The following POLR3B variants were observed in gnomAD, a reference collection of about 807,000 sequenced individuals.
POLR3B encodes RNA polymerase III subunit B, also known as DNA-directed RNA polymerase III subunit RPC2.
A neutral mutation model predicts 147.4 loss-of-function variants in POLR3B; 96 were observed. The observed-to-expected ratio is 0.65, with a 90% confidence interval of 0.55 to 0.77. The LOEUF (loss-of-function observed/expected upper bound fraction) is 0.77, where lower values mean the gene tolerates loss of function less well. Ranked by LOEUF, POLR3B falls within the 30% of genes least tolerant of loss-of-function variation. POLR3B has a pLI of 0.00. For missense variants in POLR3B, 1,036 were observed against 1,413.5 expected, an observed-to-expected ratio of 0.73 and a Z score of 4.28; for synonymous variants, 461 against 485.9, an observed-to-expected ratio of 0.95 and a Z score of 0.67.
intron 10 of POLR3B, among the ~76,000 whole-genome samples, chr12:106,397,914 G>A (rs1328798846): frequency 5.3e-5 from 8 of 152,228 alleles, no homozygotes; most frequent in South Asian, 2.1e-4. Flanking sequence ...AGCTACCAGC[G>A]TGAACGACGC....
chr12:106,407,116 T>C (rs770653525), intron 11 of POLR3B, among the ~76,000 whole-genome samples: 10 of 152,230 alleles, frequency 6.6e-5, no homozygotes, highest in Admixed American at 3.9e-4. Context: ...TCCAAATAAT[T>C]AGAAAATTCT....
In POLR3B at chr12:106,504,431, T is replaced by C. The variant is rs76444679; in HGVS notation, c.3272+177T>C. Among the ~76,000 whole-genome samples the C allele has an allele frequency of 0.017, 2,530 of 152,322 alleles. 72 individuals are homozygous for C. The highest frequency in any genetic ancestry group is 0.056 in the African/African-American group (2,348 of 41,560). ...ATACTCTGTGTACATGTCTCATTTG[T>C]CTACATCATGATCTACTTCCTACAC... On this transcript the variant is annotated intron_variant, in intron 27 of 27. Transcript: ENST00000228347. This position sits in a 1 kb window ranked among gnomAD's most constrained non-coding sequence, Gnocchi z 4.6.
At chr12:106,367,288 A>G (rs2036547456) in intron 4 of POLR3B, among the ~76,000 whole-genome samples, 1 of 152,262 alleles carries the variant, frequency 6.6e-6, no homozygotes, top group Non-Finnish European at 1.5e-5. Context: ...CAAAAGTAGT[A>G]CAAAGAATTC....
chr12:106,365,900 C>T (rs2036530226), intron 2 of POLR3B, among the ~76,000 whole-genome samples: 2 of 150,534 alleles, frequency 1.3e-5, no homozygotes, highest in Admixed American at 6.6e-5. Context: ...AACTAAGATA[C>T]AAATACACAC....
chr12:106,453,531 CT>C (rs1321390844), intron 19 of POLR3B, among the ~76,000 whole-genome samples: 1 of 151,962 alleles, frequency 6.6e-6, no homozygotes, highest in Non-Finnish European at 1.5e-5. Context: ...GCTGCCTTAG[CT>C]ATTCACAGGG....
intron 12 of POLR3B, among the ~76,000 whole-genome samples, chr12:106,426,833 C>A (rs144678185): frequency 0.03 from 2,310 of 78,288 alleles, 52 homozygotes; most frequent in African/African-American, 0.068. Context: ...TAATTCTTCT[C>A]CACCGTCCCC....
intron 12 of POLR3B, among the ~76,000 whole-genome samples, chr12:106,419,914 C>T (rs1454351344): frequency 6.7e-6 from 1 of 150,312 alleles, no homozygotes; most frequent in Non-Finnish European, 1.5e-5. Context: ...TTATACATAC[C>T]TCACAGTTTT....
chr12:106,409,346 GT>G (rs138257827), intron 11 of POLR3B, among the ~76,000 whole-genome samples: 8 of 67,470 alleles, frequency 1.2e-4, no homozygotes, highest in Non-Finnish European at 1.8e-4. Flanking sequence ...TTGTAAGAGG[GT>G]TTTTTTTGTT....
chr12:106,484,529 G>A (rs1194978241), intron 23 of POLR3B, among the ~76,000 whole-genome samples: 3 of 152,132 alleles, frequency 2.0e-5, no homozygotes, highest in African/African-American at 7.2e-5. Flanking sequence ...GGCTGAGGCA[G>A]GAGGATCACT....
intron 9 of POLR3B, among the ~76,000 whole-genome samples, chr12:106,384,190 C>A (rs1427147668): frequency 6.6e-6 from 1 of 152,116 alleles, no homozygotes; most frequent in Non-Finnish European, 1.5e-5. Flanking sequence ...AACACAATAT[C>A]TACAAAGCCC....
intron 23 of POLR3B, among the ~76,000 whole-genome samples, chr12:106,471,942 A>C: frequency 1.3e-5 from 2 of 148,744 alleles, no homozygotes; most frequent in East Asian, 2.0e-4. Context: ...TACATGTGCC[A>C]TGCTGGTGCG....
intron 19 of POLR3B, among the ~76,000 whole-genome samples, chr12:106,452,080 C>T (rs1286941749): frequency 1.3e-5 from 2 of 152,174 alleles, no homozygotes; most frequent in African/African-American, 4.8e-5. Flanking sequence ...GCGTGTGCTG[C>T]ACACAGGCAA....
intron 23 of POLR3B, among the ~76,000 whole-genome samples, chr12:106,478,624 AAAC>A (rs1388514398): frequency 6.6e-6 from 1 of 152,168 alleles, no homozygotes; most frequent in Non-Finnish European, 1.5e-5. Context: ...ATTGGGGAAA[AAAC>A]AAGCAAACAA....
chr12:106,462,295 T>C (rs573303300), intron 22 of POLR3B, among the ~76,000 whole-genome samples: 1 of 152,344 alleles, frequency 6.6e-6, no homozygotes, highest in Non-Finnish European at 1.5e-5. Flanking sequence ...TTGCCCAGGC[T>C]GGAGTGCAGT....
chr12:106,370,631 GT>G (rs1208633414), intron 6 of POLR3B, among the ~76,000 whole-genome samples: 1,354 of 126,546 alleles, frequency 0.011, 21 homozygotes, highest in African/African-American at 0.034. Flanking sequence ...TTGTTTTATT[GT>G]TTTTTTTTTT....
In POLR3B at chr12:106,405,576, AC is replaced by A. The variant is rs2037140207; in HGVS notation, c.847-280del. 1.2e-4 allele frequency among the ~76,000 whole-genome samples: 18 copies of A among 151,390 alleles called. No individual in the cohort carries two copies. In the South Asian group the frequency reaches 3.8e-3, roughly 32 times the overall value. ...CACACACACACACACACACACACAC[AC>A]ACAAATATATTTTACTTGTGTCTGT... On this transcript the variant is annotated intron_variant, in intron 10 of 27. Transcript: ENST00000228347.
intron 17 of POLR3B, 99 bp downstream of exon 17, chr12:106,437,230 C>T (rs1456579929): frequency 1.1e-6 from 1 of 889,920 alleles, no homozygotes; most frequent in Non-Finnish European, 1.8e-6. Flanking sequence ...TTCTTTCCAC[C>T]AAATTACCAG....
rs765596838 is a variant in POLR3B at position 106,463,137 on chromosome 12, T to G, written c.2571-341T>G. Among the ~76,000 whole-genome samples, 13 of 152,190 alleles carry G rather than the reference T, an allele frequency of 8.5e-5. No individual in the cohort carries two copies. In the South Asian group the frequency reaches 1.0e-3, roughly 12 times the overall value. ...TTACTATTAAGAACTAGGAGTTGAGTCTGAAATCCCAGTTCCACTTTGTGT... is the reference window on the plus strand; with the variant it reads ...TTACTATTAAGAACTAGGAGTTGAGGCTGAAATCCCAGTTCCACTTTGTGT... On this transcript the variant is annotated intron_variant, in intron 22 of 27. Transcript: ENST00000228347.
Position 106,376,434 on chromosome 12 carries a change from A to G in POLR3B, c.480A>G (p.Glu160=). The G allele has an allele frequency of 6.2e-7, 1 of 1,611,546 alleles. No homozygotes were observed. Among genetic ancestry groups the G allele is most frequent in the Non-Finnish European group, 8.5e-7 (1 of 1,178,072 alleles). The change falls in exon 7 of 28, where the codon GAA becomes GAG. Residue 160 remains glutamate, a synonymous_variant. Coordinates refer to ENST00000228347, the MANE Select transcript of POLR3B (RefSeq NM_018082.6). ...CAGCAGAATTTGCCAAACTGAACGA[A>G]TGTCCCTTAGATCCAGGTATGTGTG... ...KTPAEFAKLN[E]CPLDPGGYFI...
Sources: allele counts gnomAD v4.1 joint callset (sites outside exome capture counted in the v4.1 genomes callset), GRCh38; gene constraint gnomAD v4.1.1; non-coding constraint Gnocchi (gnomAD v3.1); transcripts MANE v1.5; gene names NCBI Gene and HGNC (gene_info 2026-07-23, HGNC 2026-07-21).